TMEM163: variants seen among roughly 807,000 people sequenced by gnomAD.
TMEM163 encodes the protein transmembrane protein 163.
In TMEM163, 17 loss-of-function variants were observed where a neutral mutation model predicts 29.3. That is an observed-to-expected ratio of 0.58 (90% CI 0.40 to 0.87). TMEM163 has a LOEUF of 0.87. Ranked by LOEUF, TMEM163 falls within the 40% of genes least tolerant of loss-of-function variation. TMEM163 has a pLI of 0.00. For synonymous variants in TMEM163, 157 were observed against 160.6 expected, an observed-to-expected ratio of 0.98 and a Z score of 0.17; for missense variants, 303 against 381.5, an observed-to-expected ratio of 0.79 and a Z score of 1.71.
rs150550973 is a variant in TMEM163 at position 134,709,093 on chromosome 2, T to C, written c.322+4107A>G. Among the ~76,000 whole-genome samples the C allele has an allele frequency of 8.2e-4, 125 of 152,346 alleles. 1 individual carries two copies. The highest frequency in any genetic ancestry group is 2.9e-3 in the African/African-American group (119 of 41,582). On this transcript the variant is annotated intron_variant, in intron 2 of 7. Transcript: ENST00000281924. ...GTCAGAATGCATTTTCCTAAATCAC[T>C]GTAACAAAGATATCAGTGATGTCAA...
chr2:134,563,977 G>A (rs545960161), intron 2 of TMEM163, among the ~76,000 whole-genome samples: 1 of 152,064 alleles, frequency 6.6e-6, no homozygotes, highest in Non-Finnish European at 1.5e-5. Context: ...TCTTGAACCC[G>A]GAGGCGGAGG....
chr2:134,567,827 G>A (rs1407163086), intron 2 of TMEM163, among the ~76,000 whole-genome samples: 1 of 152,142 alleles, frequency 6.6e-6, no homozygotes, highest in East Asian at 1.9e-4. Context: ...AGAGGAGGAG[G>A]AACAGATCCA....
rs545000281 is a variant in TMEM163 at position 134,712,095 on chromosome 2, A to C, written c.322+1105T>G. The stretch of plus-strand genomic sequence containing the variant: ...TAGATTTCTGGCTCACCGGTAAAAA[A>C]CGTTTATACTCTGGAATGCATTGCC... On this transcript the variant is annotated intron_variant, in intron 2 of 7. Transcript: ENST00000281924. Among the ~76,000 whole-genome samples, 19 of 152,256 alleles carry C rather than the reference A, an allele frequency of 1.2e-4. No individual in the cohort carries two copies. The South Asian group carries it at 2.1e-3, about 17-fold the overall frequency.
chr2:134,660,075 G>A (rs529286643), intron 2 of TMEM163, among the ~76,000 whole-genome samples: 1 of 152,304 alleles, frequency 6.6e-6, no homozygotes, highest in South Asian at 2.1e-4. Flanking sequence ...ACATGAGCGG[G>A]GATCATGGAA....
chr2:134,465,120 G>A (rs1321853281), intron 6 of TMEM163, among the ~76,000 whole-genome samples: 21 of 151,160 alleles, frequency 1.4e-4, no homozygotes, highest in Non-Finnish European at 4.4e-5. Flanking sequence ...GGGAGGCCGA[G>A]GTGGGAGGAC....
chr2:134,677,600 G>T (rs1357892781), intron 2 of TMEM163, among the ~76,000 whole-genome samples: 3 of 152,162 alleles, frequency 2.0e-5, no homozygotes, highest in Non-Finnish European at 2.9e-5. Context: ...CCCAAGACCA[G>T]CAGTGTATAA....
At chr2:134,490,275 A>C (rs1679402002) in intron 5 of TMEM163, among the ~76,000 whole-genome samples, 1 of 152,234 alleles carries the variant, frequency 6.6e-6, no homozygotes, top group Non-Finnish European at 1.5e-5. Flanking sequence ...TGGCAACACT[A>C]TCTCTCACCA....
intron 2 of TMEM163, among the ~76,000 whole-genome samples, chr2:134,582,365 C>T (rs187972912): frequency 2.0e-5 from 3 of 152,282 alleles, no homozygotes; most frequent in African/African-American, 4.8e-5. Context: ...ATGCGGGGGC[C>T]GCTGCTAAGT....
chr2:134,635,041 T>C, intron 2 of TMEM163, among the ~76,000 whole-genome samples: 1 of 152,246 alleles, frequency 6.6e-6, no homozygotes, highest in East Asian at 1.9e-4. Flanking sequence ...TAATGTGTCA[T>C]TGCTGTTGAT....
chr2:134,605,560 T>C (rs1261596554), intron 2 of TMEM163, among the ~76,000 whole-genome samples: 2 of 151,896 alleles, frequency 1.3e-5, no homozygotes, highest in Non-Finnish European at 2.9e-5. Context: ...TAACTGGGCA[T>C]GGTGGCAGGC....
At chr2:134,468,707 T>C (rs1686724166) in intron 5 of TMEM163, 2 of 152,258 alleles carry the variant, frequency 1.3e-5, no homozygotes, top group South Asian at 4.1e-4. Flanking sequence ...AGAGAAAATC[T>C]GTGCTTACCC....
rs1439982262 is a variant in TMEM163, at chr2:134,646,998, A to G, written c.322+66202T>C. Among the ~76,000 whole-genome samples, 6 of 152,172 alleles carry G rather than the reference A, an allele frequency of 3.9e-5. No individual in the cohort carries two copies. In the South Asian group the frequency reaches 1.2e-3, roughly 32 times the overall value. ...TCCAGTTTCTCAGAATACACTGTCA[A>G]CACTGACAAAGGGCACCATATGCCA... On this transcript the variant is annotated intron_variant, in intron 2 of 7. Transcript: ENST00000281924.
At chr2:134,512,047 A>G (rs1349160298) in intron 4 of TMEM163, among the ~76,000 whole-genome samples, 1 of 152,236 alleles carries the variant, frequency 6.6e-6, no homozygotes, top group Non-Finnish European at 1.5e-5. Context: ...CCTATGAAAC[A>G]TGAAGAAACA....
chr2:134,594,728 C>A (rs10496729), intron 2 of TMEM163, among the ~76,000 whole-genome samples: 6,593 of 152,260 alleles, frequency 0.043, 489 homozygotes, highest in African/African-American at 0.15. Flanking sequence ...ATCATTTCAT[C>A]AAACACGCAA....
chr2:134,612,741 G>C (rs1682533218), intron 2 of TMEM163, among the ~76,000 whole-genome samples: 1 of 152,164 alleles, frequency 6.6e-6, no homozygotes, highest in African/African-American at 2.4e-5. Flanking sequence ...TTTAAAAAAA[G>C]AACTAGCAGC....
In TMEM163 at chr2:134,459,637, G is replaced by A. The variant is rs868684243; in HGVS notation, c.668-1464C>T. 9.3e-5 allele frequency among the ~76,000 whole-genome samples: 14 copies of A among 150,114 alleles called. No homozygotes were observed. The South Asian group carries it at 1.3e-3, about 14-fold the overall frequency. ...CCACACTCACACCCCCCTTCTGCCC[G>A]GGTTCCCTCCTCCCCCAGCCCTTCC... On this transcript the variant is annotated intron_variant, in intron 6 of 7. Transcript: ENST00000281924.
At chr2:134,537,179 T>A (rs1680559652) in intron 4 of TMEM163, among the ~76,000 whole-genome samples, 2 of 152,224 alleles carry the variant, frequency 1.3e-5, no homozygotes, top group Admixed American at 1.3e-4. Context: ...ATTCACCTAA[T>A]TCCTGCTTAT....
intron 6 of TMEM163, among the ~76,000 whole-genome samples, chr2:134,464,528 T>A (rs1467840050): frequency 6.6e-6 from 1 of 152,080 alleles, no homozygotes; most frequent in Non-Finnish European, 1.5e-5. Flanking sequence ...CCCCAACATC[T>A]TCAGGCCTGT....
chr2:134,573,414 A>G (rs1480604308), intron 2 of TMEM163, among the ~76,000 whole-genome samples: 1 of 152,204 alleles, frequency 6.6e-6, no homozygotes, highest in East Asian at 1.9e-4. Flanking sequence ...TTTAGCCGCC[A>G]GGGGGTATTT....
Sources: allele counts gnomAD v4.1 joint callset (sites outside exome capture counted in the v4.1 genomes callset), GRCh38; gene constraint gnomAD v4.1.1; transcripts MANE v1.5; gene names NCBI Gene and HGNC (gene_info 2026-07-23, HGNC 2026-07-21).